The following EHBP1 variants were observed in gnomAD, a reference collection of about 807,000 sequenced individuals.
The protein encoded by EHBP1 is EH domain binding protein 1.
EHBP1 carries 55 observed loss-of-function variants against 144.0 expected under a neutral mutation model. That is an observed-to-expected ratio of 0.38 (90% CI 0.31 to 0.48). The LOEUF (loss-of-function observed/expected upper bound fraction) is 0.48, where lower values mean the gene tolerates loss of function less well. Among genes scored for constraint, EHBP1 ranks in the 20% least tolerant of loss-of-function variants. EHBP1 has a pLI of 0.98. For missense variants in EHBP1, 1,200 were observed against 1,364.2 expected (o/e 0.88, Z 1.90); for synonymous variants, 469 against 472.7 (o/e 0.99, Z 0.10).
chr2:62,894,393 GGA>G (rs150548461), intron 10 of EHBP1, among the ~76,000 whole-genome samples: 2 of 151,198 alleles, frequency 1.3e-5, no homozygotes, highest in Non-Finnish European at 3.0e-5. Flanking sequence ...ATAGGAAGAG[GGA>G]GAGAGAGAGA....
chr2:62,714,129 A>C (rs1239251000), intron 2 of EHBP1, among the ~76,000 whole-genome samples: 1 of 152,124 alleles, frequency 6.6e-6, no homozygotes, highest in Non-Finnish European at 1.5e-5. Context: ...AAATATTCAC[A>C]CTTTGGGAGG....
intron 5 of EHBP1, among the ~76,000 whole-genome samples, chr2:62,820,225 G>GAAAAAAAAAA (rs372533264): frequency 9.9e-6 from 1 of 100,668 alleles, no homozygotes; most frequent in Non-Finnish European, 2.0e-5. Flanking sequence ...AAAAAAAAAA[G>GAAAAAAAAAA]AAAAAAAAAA....
intron 2 of EHBP1, among the ~76,000 whole-genome samples, chr2:62,736,642 C>T (rs950578737): frequency 5.3e-5 from 8 of 152,274 alleles, no homozygotes; most frequent in East Asian, 1.9e-4. Context: ...TCATTTCCAT[C>T]GTAGTGTTTT....
intron 20 of EHBP1, 28 bp downstream of exon 20, chr2:63,037,662 G>A: frequency 7.4e-7 from 1 of 1,349,436 alleles, no homozygotes; most frequent in East Asian, 2.4e-5. Context: ...TGCTTGTTTT[G>A]CCTACAACAT....
chr2:62,683,718 A>G (rs931120874), intron 1 of EHBP1, among the ~76,000 whole-genome samples: 4 of 151,822 alleles, frequency 2.6e-5, no homozygotes. Flanking sequence ...AACTACACAG[A>G]AAGTGGAAAA....
chr2:63,013,056 G>C (rs1383980910), intron 19 of EHBP1, among the ~76,000 whole-genome samples: 1 of 152,092 alleles, frequency 6.6e-6, no homozygotes, highest in Non-Finnish European at 1.5e-5. Context: ...TCTTCTAAGA[G>C]GTATTTATTT....
At chr2:62,774,897 G>A (rs905049327) in intron 5 of EHBP1, among the ~76,000 whole-genome samples, 1 of 152,056 alleles carries the variant, frequency 6.6e-6, no homozygotes, top group East Asian at 1.9e-4. Context: ...TCTCATCGCT[G>A]TGTAGTTTAC....
At chr2:62,841,674 A>T (rs1042802648) in intron 7 of EHBP1, among the ~76,000 whole-genome samples, 1 of 152,170 alleles carries the variant, frequency 6.6e-6, no homozygotes, top group Non-Finnish European at 1.5e-5. Flanking sequence ...TTATTTTATA[A>T]TGATGGCAGC....
chr2:62,780,511 G>A (rs1259441125), intron 5 of EHBP1, among the ~76,000 whole-genome samples: 1 of 151,958 alleles, frequency 6.6e-6, no homozygotes, highest in African/African-American at 2.4e-5. Flanking sequence ...TATTTAATGT[G>A]CTGTTCTAAT....
chr2:62,907,184 C>A (rs1384646506), intron 10 of EHBP1, among the ~76,000 whole-genome samples: 1 of 152,096 alleles, frequency 6.6e-6, no homozygotes, highest in Non-Finnish European at 1.5e-5. Context: ...TAGTTAGTTG[C>A]CTGTTTAGTG....
intron 1 of EHBP1, among the ~76,000 whole-genome samples, chr2:62,674,925 C>T (rs1022220462): frequency 6.6e-6 from 1 of 152,152 alleles, no homozygotes; most frequent in South Asian, 2.1e-4. Context: ...GCCACCATAC[C>T]CAGCCAAGTC....
intron 3 of EHBP1, among the ~76,000 whole-genome samples, chr2:62,754,265 C>T (rs2040048422): frequency 6.6e-6 from 1 of 152,190 alleles, no homozygotes. Flanking sequence ...CCACTCCAGA[C>T]CCTGTTGCCT....
chr2:63,039,268 T>C (rs2061564663), intron 21 of EHBP1, among the ~76,000 whole-genome samples: 1 of 152,148 alleles, frequency 6.6e-6, no homozygotes, highest in African/African-American at 2.4e-5. Context: ...GATTCCAACT[T>C]GTATTAAGTG....
At chr2:62,981,823 G>A (rs1462774296) in intron 15 of EHBP1, among the ~76,000 whole-genome samples, 2 of 152,168 alleles carry the variant, frequency 1.3e-5, no homozygotes, top group African/African-American at 4.8e-5. Context: ...ATGAAGAAGG[G>A]GCAGGGTTTG....
intron 14 of EHBP1, among the ~76,000 whole-genome samples, chr2:62,972,897 C>G (rs2058559141): frequency 6.6e-6 from 1 of 152,124 alleles, no homozygotes; most frequent in Admixed American, 6.5e-5. Flanking sequence ...TACAGCACAC[C>G]TCTGGGCTAA....
intron 14 of EHBP1, among the ~76,000 whole-genome samples, chr2:62,960,162 T>TCC (rs2057925588): frequency 2.6e-5 from 4 of 152,158 alleles, no homozygotes; most frequent in Non-Finnish European, 5.9e-5. Flanking sequence ...AGCCTCAAAA[T>TCC]CCATCTGGTA....
intron 8 of EHBP1, among the ~76,000 whole-genome samples, chr2:62,861,569 C>T (rs1488734355): frequency 6.6e-6 from 1 of 151,620 alleles, no homozygotes; most frequent in Non-Finnish European, 1.5e-5. Context: ...CATGGTGAAA[C>T]CCGTCTCTAC....
At chr2:62,924,708 T>A (rs1016257161) in intron 10 of EHBP1, among the ~76,000 whole-genome samples, 3 of 152,160 alleles carry the variant, frequency 2.0e-5, no homozygotes, top group Non-Finnish European at 2.9e-5. Context: ...ATCAGTAATA[T>A]AAAGTATTCC....
At chr2:62,825,973 A>T in intron 5 of EHBP1, 114 bp from the exon 6 acceptor site, 2 of 688,764 alleles carry the variant, frequency 2.9e-6, no homozygotes, top group South Asian at 6.5e-5. Context: ...TAGGAATGTA[A>T]TAGGAGAAGG....
Sources: gnomAD v4.1 joint callset for allele counts (sites outside exome capture counted in the v4.1 genomes callset) on GRCh38, gnomAD v4.1.1 for gene constraint, MANE v1.5 for transcripts, NCBI Gene and HGNC (gene_info 2026-07-23, HGNC 2026-07-21) for gene names.